Variants in UNC5C observed in about 807,000 individuals in gnomAD.
UNC5C encodes the protein netrin receptor UNC5C.
A neutral mutation model predicts 99.8 loss-of-function variants in UNC5C; 47 were observed. The ratio of observed to expected loss-of-function variants is 0.47; its 90% CI spans 0.37 to 0.60. UNC5C has a LOEUF of 0.60. UNC5C is among the 20% of genes least tolerant of loss of function. The probability of loss-of-function intolerance (pLI) is 0.00; values close to 1 mark genes in which losing one functional copy is unlikely to be tolerated. For missense variants in UNC5C, 1,062 were observed against 1,165.9 expected (o/e 0.91, Z 1.30); for synonymous variants, 487 against 452.2 (o/e 1.08, Z -0.98).
At chr4:95,273,022 C>A (rs1333319361) in intron 4 of UNC5C, among the ~76,000 whole-genome samples, 1 of 152,206 alleles carries the variant, frequency 6.6e-6, no homozygotes, top group Non-Finnish European at 1.5e-5. Context: ...CAGCTGCCAC[C>A]AGTTTTCTGC....
At chr4:95,262,575 T>C (rs560965584) in intron 4 of UNC5C, among the ~76,000 whole-genome samples, 1 of 152,284 alleles carries the variant, frequency 6.6e-6, no homozygotes, top group South Asian at 2.1e-4. Context: ...AAAAATTCAG[T>C]CTTTATGCCA....
chr4:95,388,694 C>T (rs2149444339), intron 1 of UNC5C, among the ~76,000 whole-genome samples: 1 of 152,256 alleles, frequency 6.6e-6, no homozygotes, highest in East Asian at 1.9e-4. Flanking sequence ...AAGTCAAGGA[C>T]ATATTATCAT....
intron 1 of UNC5C, among the ~76,000 whole-genome samples, chr4:95,428,504 A>G (rs894530160): frequency 6.6e-6 from 1 of 152,178 alleles, no homozygotes; most frequent in Non-Finnish European, 1.5e-5. Flanking sequence ...GGCTCAATGA[A>G]TGCCTTTGAT....
At chr4:95,387,994 A>G (rs1745256790) in intron 1 of UNC5C, among the ~76,000 whole-genome samples, 1 of 152,216 alleles carries the variant, frequency 6.6e-6, no homozygotes, top group Admixed American at 6.5e-5. Context: ...ATATTCAATG[A>G]GTAAGCACAT....
In UNC5C at chr4:95,165,672, C is replaced by A. The variant is rs1451693164; in HGVS notation, c.*3562G>T. ...CTTTCTTCCCTTTGATTAACAACCC[C>A]AATTTTCTCTTCCCTAGACATAGTA... is the stretch of plus-strand genomic sequence containing the variant. On this transcript the variant is annotated 3_prime_UTR_variant, in exon 16 of 16. Coordinates refer to ENST00000453304, the MANE Select transcript of UNC5C (RefSeq NM_003728.4). 4 of 152,180 alleles carry A rather than the reference C, an allele frequency of 2.6e-5. No individual in the cohort carries two copies. The highest frequency in any genetic ancestry group is 5.9e-5 in the Non-Finnish European group (4 of 68,024). The allele number at this position is 152,180 out of a possible 1,614,324, so 9.4% of individuals were successfully genotyped here.
chr4:95,255,537 A>G (rs1280312108), intron 4 of UNC5C, among the ~76,000 whole-genome samples: 1 of 152,144 alleles, frequency 6.6e-6, no homozygotes. Context: ...GACATCTTCC[A>G]GGGCTCTCCC....
At chr4:95,522,782 T>A (rs1722393634) in intron 1 of UNC5C, among the ~76,000 whole-genome samples, 1 of 152,098 alleles carries the variant, frequency 6.6e-6, no homozygotes, top group South Asian at 2.1e-4. Flanking sequence ...TAATAGTGAG[T>A]TTTTATCTGT....
chr4:95,360,974 TC>T (rs1201696062), intron 1 of UNC5C, among the ~76,000 whole-genome samples: 5 of 152,302 alleles, frequency 3.3e-5, no homozygotes, highest in African/African-American at 1.2e-4. Context: ...TAGGAAGGCA[TC>T]CTTTCTGTCT....
intron 1 of UNC5C, among the ~76,000 whole-genome samples, chr4:95,463,752 T>A (rs1227611153): frequency 6.6e-6 from 1 of 152,236 alleles, no homozygotes; most frequent in Non-Finnish European, 1.5e-5. Flanking sequence ...TCAATTCATT[T>A]ATTCAATAGA....
At chr4:95,292,325 A>G (rs1460988545) in intron 3 of UNC5C, among the ~76,000 whole-genome samples, 1 of 148,830 alleles carries the variant, frequency 6.7e-6, no homozygotes, top group Non-Finnish European at 1.5e-5. Context: ...GCTGGAGTGC[A>G]GTAGTGCGAT....
At chr4:95,176,410 G>C (rs1218936748) in intron 14 of UNC5C, among the ~76,000 whole-genome samples, 1 of 151,916 alleles carries the variant, frequency 6.6e-6, no homozygotes, top group Non-Finnish European at 1.5e-5. Context: ...GTGATGTACA[G>C]ATGGGTTTTT....
chr4:95,342,983 G>A (rs1011541955), intron 1 of UNC5C, among the ~76,000 whole-genome samples: 2 of 151,774 alleles, frequency 1.3e-5, no homozygotes, highest in Non-Finnish European at 2.9e-5. Flanking sequence ...TGGCATGGGT[G>A]CCAGTTTAGC....
chr4:95,435,275 C>T (rs1746743190), intron 1 of UNC5C, among the ~76,000 whole-genome samples: 1 of 151,702 alleles, frequency 6.6e-6, no homozygotes, highest in African/African-American at 2.4e-5. Context: ...TTCAGTTTTT[C>T]ATAATGGTAC....
chr4:95,535,619 T>G (rs1196149711), intron 1 of UNC5C, among the ~76,000 whole-genome samples: 4 of 152,204 alleles, frequency 2.6e-5, no homozygotes, highest in African/African-American at 9.6e-5. Flanking sequence ...TTAACTTGTA[T>G]GCAATTTGCA....
At chr4:95,536,677 CAT>C in intron 1 of UNC5C, among the ~76,000 whole-genome samples, 1 of 151,886 alleles carries the variant, frequency 6.6e-6, no homozygotes. Context: ...AAAGGAAAAA[CAT>C]ATGGAAAATA....
chr4:95,297,100 C>T (rs1741693889), intron 3 of UNC5C, among the ~76,000 whole-genome samples: 1 of 152,148 alleles, frequency 6.6e-6, no homozygotes, highest in African/African-American at 2.4e-5. Flanking sequence ...CAGGTCTGCT[C>T]ACCCCTTCAG....
intron 13 of UNC5C, among the ~76,000 whole-genome samples, chr4:95,184,476 G>A (rs1736751673): frequency 6.6e-6 from 1 of 152,174 alleles, no homozygotes; most frequent in Non-Finnish European, 1.5e-5. Context: ...AAGAGCTCAG[G>A]CTGACGGATG....
intron 3 of UNC5C, among the ~76,000 whole-genome samples, chr4:95,285,021 A>G (rs529222542): frequency 5.9e-5 from 9 of 152,230 alleles, no homozygotes; most frequent in Non-Finnish European, 1.3e-4. Flanking sequence ...AATATCAGCA[A>G]AAGCATCTCC....
chr4:95,471,831 T>C (rs1485935303), intron 1 of UNC5C, among the ~76,000 whole-genome samples: 2 of 149,454 alleles, frequency 1.3e-5, no homozygotes, highest in African/African-American at 4.9e-5. Flanking sequence ...CATTTTGTCT[T>C]TTTTTTTTTA....
Sources: gnomAD v4.1 joint callset for allele counts (sites outside exome capture counted in the v4.1 genomes callset) on GRCh38, gnomAD v4.1.1 for gene constraint, MANE v1.5 for transcripts, NCBI Gene and HGNC (gene_info 2026-07-23, HGNC 2026-07-21) for gene names.